Variants in CDH3 observed in about 807,000 individuals in gnomAD.
The protein encoded by CDH3 is cadherin 3.
A neutral mutation model predicts 82.0 loss-of-function variants in CDH3; 54 were observed. The ratio of observed to expected loss-of-function variants is 0.66; its 90% CI spans 0.53 to 0.83. The LOEUF (loss-of-function observed/expected upper bound fraction) is 0.83. CDH3 is among the 40% of genes least tolerant of loss of function. CDH3 has a pLI of 0.00. For missense variants in CDH3, 1,054 were observed against 1,084.6 expected, an observed-to-expected ratio of 0.97 and a Z score of 0.40; for synonymous variants, 446 against 437.9, an observed-to-expected ratio of 1.02 and a Z score of -0.23.
chr16:68,679,007 C>A, intron 6 of CDH3, 101 bp downstream of exon 6: 1 of 1,250,290 alleles, frequency 8.0e-7, no homozygotes, highest in Non-Finnish European at 1.1e-6. Flanking sequence ...TATCAGATTA[C>A]TTGGGATCTT....
chr16:68,701,627 C>T (rs1472665071), downstream of CDH3, among the ~76,000 whole-genome samples: 2 of 151,338 alleles, frequency 1.3e-5, no homozygotes, highest in Admixed American at 1.3e-4. Context: ...CTCACTGCAA[C>T]CTCCACCTCC....
At chr16:68,715,457 C>CCCACT (rs1962083637) in intron 1 of CDH3, among the ~76,000 whole-genome samples, 1 of 151,032 alleles carries the variant, frequency 6.6e-6, no homozygotes, top group Non-Finnish European at 1.5e-5. Context: ...CCAGCTCTTG[C>CCCACT]CCACTCCACA....
At chr16:68,684,971 A>T in intron 10 of CDH3, 147 bp downstream of exon 10, 2 of 1,206,074 alleles carry the variant, frequency 1.7e-6, no homozygotes, top group South Asian at 1.3e-5. Context: ...ACCCTCTTTG[A>T]GGCTGAAGAC....
chr16:68,658,903 C>T (rs1264628373), intron 2 of CDH3, among the ~76,000 whole-genome samples: 6 of 152,082 alleles, frequency 3.9e-5, no homozygotes, highest in African/African-American at 7.2e-5. Flanking sequence ...TTTTTATCGT[C>T]TCCTCCCCAA....
chr16:68,655,849 C>T (rs1209946584), intron 2 of CDH3, among the ~76,000 whole-genome samples: 2 of 151,962 alleles, frequency 1.3e-5, no homozygotes, highest in South Asian at 2.1e-4. Flanking sequence ...GGCGACAGAG[C>T]GAGACGCCGT....
chr16:68,646,380 G>A (rs537318404), intron 2 of CDH3, among the ~76,000 whole-genome samples: 197 of 152,280 alleles, frequency 1.3e-3, no homozygotes, highest in Middle Eastern at 6.8e-3. Flanking sequence ...AGCGTCTGGG[G>A]CCTGGGATGC....
Position 68,678,615 on chromosome 16 carries a change from T to C in CDH3, c.505T>C (p.Leu169=), listed in dbSNP as rs1296411647. 1.9e-5 allele frequency: 31 copies of C among 1,614,084 alleles called. No individual in the cohort carries two copies. Among genetic ancestry groups the C allele is most frequent in the Non-Finnish European group, 2.4e-5 (28 of 1,180,050 alleles). ...AGAGAAGGAGACAGGCTGGTTGTTG[T>C]TGAATAAGCCACTGGACCGGGAGGA... ...AVEKETGWLL[L]NKPLDREEIA... The change falls in exon 5 of 16, where the codon TTG becomes CTG. Residue 169 remains leucine (L), a synonymous_variant. Transcript: ENST00000264012.
chr16:68,727,153 AGCTGG>A (rs1788685470), exon 3 of CDH3, among the ~76,000 whole-genome samples: 1 of 152,122 alleles, frequency 6.6e-6, no homozygotes, highest in Admixed American at 6.6e-5. Context: ...CTTCTTCTAG[AGCTGG>A]GACACCTGCC....
chr16:68,648,674 C>T (rs1960150888), intron 2 of CDH3, among the ~76,000 whole-genome samples: 6 of 151,996 alleles, frequency 3.9e-5, no homozygotes, highest in Admixed American at 3.9e-4. Flanking sequence ...TGGTCACAAA[C>T]TCTGGGCTCA....
intron 14 of CDH3, 83 bp from the exon 15 acceptor site, chr16:68,695,694 A>C: frequency 6.8e-7 from 1 of 1,479,682 alleles, no homozygotes; most frequent in African/African-American, 1.4e-5. Context: ...TCCAAAGGGT[A>C]GGGGGTGTGG....
At chr16:68,663,912 C>A (rs1960666375) in intron 2 of CDH3, among the ~76,000 whole-genome samples, 1 of 151,328 alleles carries the variant, frequency 6.6e-6, no homozygotes, top group South Asian at 2.1e-4. Flanking sequence ...GTGTGCTGCA[C>A]CCATTAACTC....
chr16:68,662,049 A>G (rs1398189057), intron 2 of CDH3, among the ~76,000 whole-genome samples: 1 of 152,220 alleles, frequency 6.6e-6, no homozygotes, highest in Non-Finnish European at 1.5e-5. Context: ...AAAGTTATTC[A>G]AAGCCAGAAG....
At chr16:68,679,014 T>A in intron 6 of CDH3, 108 bp downstream of exon 6, 2 of 1,206,178 alleles carry the variant, frequency 1.7e-6, no homozygotes, top group African/African-American at 3.0e-5. Flanking sequence ...TTACTTGGGA[T>A]CTTCTTAAAA....
Position 68,695,301 on chromosome 16 carries a change from C to A in CDH3, c.2049C>A (p.Ile683=). The change falls in exon 14 of 16, where the codon ATC becomes ATA. Residue 683 remains isoleucine (I), a synonymous_variant. Coordinates refer to ENST00000264012, the MANE Select transcript of CDH3 (RefSeq NM_001793.6). ...TGTTGGTGAGAAAGAAGCGGAAGAT[C>A]AAGGAGCCCCTCCTACTCCCAGAAG... The part of the protein sequence containing the change: ...LLLLVRKKRK[I]KEPLLLPEDD... The A allele has an allele frequency of 6.2e-7, 1 of 1,614,088 alleles. No individual in the cohort carries two copies.
rs1567459103 is a variant in CDH3, at chr16:68,698,307, C to T, written c.2397C>T (p.Ala799=). The T allele has an allele frequency of 1.2e-6, 2 of 1,614,260 alleles. No individual in the cohort carries two copies. The highest frequency in any genetic ancestry group is 1.3e-5 in the African/African-American group (1 of 75,068). Residue 799 remains alanine, a synonymous_variant, in exon 16 of 16, where the codon GCC becomes GCT. Coordinates refer to ENST00000264012, the MANE Select transcript of CDH3 (RefSeq NM_001793.6). ...CCCTGAGCTCCCTCACCTCCTCCGC[C>T]TCCGACCAAGACCAAGATTACGATT... is the stretch of plus-strand genomic sequence containing the variant. ...AASLSSLTSS[A]SDQDQDYDYL...
At chr16:68,711,524 C>T (rs992149337) in intron 1 of CDH3, among the ~76,000 whole-genome samples, 2 of 152,160 alleles carry the variant, frequency 1.3e-5, no homozygotes, top group African/African-American at 2.4e-5. Flanking sequence ...GCTGGCTGCA[C>T]GCAGGGCTGG....
At chr16:68,706,829 C>T (rs1406628313) in intron 1 of CDH3, among the ~76,000 whole-genome samples, 1 of 152,164 alleles carries the variant, frequency 6.6e-6, no homozygotes, top group Non-Finnish European at 1.5e-5. Context: ...TCTGGGATTA[C>T]AGGCGTGAGC....
rs1176713669 is a variant in CDH3, at chr16:68,654,380, A to ATTTTTTTTTTTTTTTT, written c.160+8653_160+8668dup. Among the ~76,000 whole-genome samples, 5 of 48,494 alleles carry ATTTTTTTTTTTTTTTT rather than the reference A, an allele frequency of 1.0e-4. 1 individual carries two copies. Among genetic ancestry groups the ATTTTTTTTTTTTTTTT allele is most frequent in the Non-Finnish European group, 1.4e-4 (4 of 29,218 alleles). The allele number at this position is 48,494 out of a possible 152,430, so 31.8% of individuals were successfully genotyped here. On this transcript the variant is annotated intron_variant, in intron 2 of 15. Coordinates refer to ENST00000264012, the MANE Select transcript of CDH3 (RefSeq NM_001793.6). ...GGCCTTTTTCTTAATTTTTAAATTAATTTTTTTTTTTTTTTTTTTTTTTTT... is the reference window on the plus strand; with the variant it reads ...GGCCTTTTTCTTAATTTTTAAATTAATTTTTTTTTTTTTTTTTTTTTTTTTTTTTTTTTTTTTTTTT...
chr16:68,645,943 A>G (rs908334004), intron 2 of CDH3, 193 bp downstream of exon 2: 12 of 594,176 alleles, frequency 2.0e-5, no homozygotes, highest in Admixed American at 5.9e-5. Flanking sequence ...CAGAGCGCCT[A>G]TGACATCCAG....
Sources: allele counts gnomAD v4.1 joint callset (sites outside exome capture counted in the v4.1 genomes callset), GRCh38; gene constraint gnomAD v4.1.1; transcripts MANE v1.5; gene names NCBI Gene and HGNC (gene_info 2026-07-23, HGNC 2026-07-21).